Variants in MCMBP observed in about 807,000 individuals in gnomAD.
The protein encoded by MCMBP is minichromosome maintenance complex binding protein, also known as mini-chromosome maintenance complex-binding protein.
In MCMBP, 31 loss-of-function variants were observed where a neutral mutation model predicts 81.3. The observed-to-expected ratio is 0.38, with a 90% confidence interval of 0.29 to 0.51. The LOEUF is 0.51. Among genes scored for constraint, MCMBP ranks in the 20% least tolerant of loss-of-function variants. The probability of loss-of-function intolerance (pLI) is 0.87; values close to 1 mark genes in which losing one functional copy is unlikely to be tolerated. For synonymous variants in MCMBP, 267 were observed against 275.9 expected (o/e 0.97, Z 0.32); for missense variants, 645 against 772.1 (o/e 0.84, Z 1.95).
At chr10:119,866,242 T>C (rs763381544) in intron 1 of MCMBP, among the ~76,000 whole-genome samples, 170 of 152,314 alleles carry the variant, frequency 1.1e-3, no homozygotes, top group Non-Finnish European at 2.2e-3. Flanking sequence ...GGTAAATCCA[T>C]GGGCAGAAGT....
At chr10:119,835,495 C>A (rs749947913) in intron 14 of MCMBP, 45 bp downstream of exon 14, 2 of 1,528,754 alleles carry the variant, frequency 1.3e-6, no homozygotes, top group African/African-American at 1.4e-5. Flanking sequence ...TGGTTGCATA[C>A]TGCAATTCAA....
At chr10:119,832,831 G>A (rs1467131898) in intron 14 of MCMBP, among the ~76,000 whole-genome samples, 1 of 152,200 alleles carries the variant, frequency 6.6e-6, no homozygotes. Context: ...CTGAGACACT[G>A]GGTAACAGCT....
At chr10:119,836,836 C>A in intron 13 of MCMBP, 60 bp downstream of exon 13, 1 of 1,086,468 alleles carries the variant, frequency 9.2e-7, no homozygotes, top group South Asian at 1.8e-5. Flanking sequence ...CAAGAAACAG[C>A]AAAAATGTAG....
chr10:119,867,049 T>C (rs1054221974), intron 1 of MCMBP, among the ~76,000 whole-genome samples: 2 of 151,926 alleles, frequency 1.3e-5, no homozygotes, highest in Admixed American at 6.6e-5. Flanking sequence ...TCCCAGCACT[T>C]TGGGAGGCCG....
intron 8 of MCMBP, among the ~76,000 whole-genome samples, chr10:119,844,539 A>G (rs1171534684): frequency 6.6e-6 from 1 of 152,186 alleles, no homozygotes; most frequent in Non-Finnish European, 1.5e-5. Context: ...CAGGACTCCA[A>G]CCCAGGCTGC....
At chr10:119,834,685 A>G (rs979857086) in intron 14 of MCMBP, among the ~76,000 whole-genome samples, 3 of 151,514 alleles carry the variant, frequency 2.0e-5, no homozygotes, top group Non-Finnish European at 4.4e-5. Context: ...CACCCAAACA[A>G]AACAAAAAAA....
chr10:119,836,113 C>T (rs532041789), intron 13 of MCMBP, among the ~76,000 whole-genome samples: 1 of 152,204 alleles, frequency 6.6e-6, no homozygotes, highest in Non-Finnish European at 1.5e-5. Context: ...GGATTACAGG[C>T]GTGAGCCACC....
At chr10:119,839,829 C>T (rs1052725960) in intron 11 of MCMBP, among the ~76,000 whole-genome samples, 4 of 152,156 alleles carry the variant, frequency 2.6e-5, no homozygotes, top group African/African-American at 4.8e-5. Flanking sequence ...CAAAGGCTAT[C>T]GAAACCATCC....
At position 119,835,532 on chromosome 10, in the gene MCMBP, A is replaced by G; in HGVS notation, c.1707+8T>C. Reference sequence around the variant, plus strand: ...ACAGGGAAATCCTTTATTTTAACCTAGACATACCTTGGTTATTTCATCAGA... The same window carrying G: ...ACAGGGAAATCCTTTATTTTAACCTGGACATACCTTGGTTATTTCATCAGA... On this transcript the variant is annotated splice_region_variant and intron_variant, in intron 14 of 15. Transcript: ENST00000369077. The G allele has an allele frequency of 3.1e-6, 5 of 1,610,862 alleles. No individual in the cohort carries two copies. Among genetic ancestry groups the G allele is most frequent in the Non-Finnish European group, 4.2e-6 (5 of 1,177,358 alleles).
At chr10:119,841,797 T>C (rs1478450020) in intron 10 of MCMBP, among the ~76,000 whole-genome samples, 2 of 152,252 alleles carry the variant, frequency 1.3e-5, no homozygotes, top group African/African-American at 2.4e-5. Context: ...GCGGTGCTAG[T>C]GTCAATGTCC....
intron 1 of MCMBP, among the ~76,000 whole-genome samples, chr10:119,867,185 C>A (rs1227196447): frequency 6.8e-6 from 1 of 148,050 alleles, no homozygotes; most frequent in Non-Finnish European, 1.5e-5. Context: ...CCCAGCTACT[C>A]AAGAGGCTGA....
chr10:119,840,771 G>T (rs954174281), intron 11 of MCMBP, 72 bp downstream of exon 11: 5 of 815,236 alleles, frequency 6.1e-6, no homozygotes, highest in Non-Finnish European at 5.7e-6. Context: ...AATATTTGAA[G>T]TGAATGAAAG....
chr10:119,867,429 T>C (rs1412854370), intron 1 of MCMBP, among the ~76,000 whole-genome samples: 1 of 151,974 alleles, frequency 6.6e-6, no homozygotes, highest in Non-Finnish European at 1.5e-5. Context: ...CTCCTACGTA[T>C]GCCATCTGCC....
At chr10:119,854,633 T>TTCG (rs1158590670) in intron 5 of MCMBP, among the ~76,000 whole-genome samples, 1 of 151,760 alleles carries the variant, frequency 6.6e-6, no homozygotes, top group Non-Finnish European at 1.5e-5. Context: ...ACTGACAGAA[T>TTCG]TCGTCACCAA....
At chr10:119,859,311 C>T (rs1257872486) in intron 2 of MCMBP, 130 bp from the exon 3 acceptor site, 4 of 731,426 alleles carry the variant, frequency 5.5e-6, no homozygotes, top group Non-Finnish European at 8.4e-6. Context: ...CACACCCATG[C>T]CACATCAGAG....
intron 15 of MCMBP, 141 bp from the exon 16 acceptor site, chr10:119,831,741 A>G (rs1253575634): frequency 3.0e-6 from 3 of 1,014,542 alleles, no homozygotes; most frequent in Non-Finnish European, 4.2e-6. Context: ...ACAAGTCAAC[A>G]GCCAAGTTAG....
chr10:119,851,644 G>T (rs1243812035), intron 6 of MCMBP, among the ~76,000 whole-genome samples: 3 of 152,070 alleles, frequency 2.0e-5, no homozygotes, highest in African/African-American at 7.2e-5. Flanking sequence ...TGCTGTCCAG[G>T]CTAGATGATA....
rs80072053 is a variant in MCMBP at position 119,866,142 on chromosome 10, G to A, written c.59-6258C>T. ...TACTGATGCATACTATGACATGGAT[G>A]AACCATGAAAATATCATGGTAAATG... On this transcript the variant is annotated intron_variant, in intron 1 of 15. Transcript: ENST00000369077. Among the ~76,000 whole-genome samples, 217 of 151,200 alleles carry A rather than the reference G, an allele frequency of 1.4e-3. 5 individuals are homozygous for A. In the East Asian group the frequency reaches 0.037, roughly 26 times the overall value.
chr10:119,841,646 C>T (rs1049819185), intron 10 of MCMBP, among the ~76,000 whole-genome samples: 2 of 152,182 alleles, frequency 1.3e-5, no homozygotes, highest in African/African-American at 4.8e-5. Flanking sequence ...AACCAATGAA[C>T]ATGTACCTAA....
Sources: allele counts gnomAD v4.1 joint callset (sites outside exome capture counted in the v4.1 genomes callset), GRCh38; gene constraint gnomAD v4.1.1; transcripts MANE v1.5; gene names NCBI Gene and HGNC (gene_info 2026-07-23, HGNC 2026-07-21).